CXCL16: variants seen among roughly 807,000 people sequenced by gnomAD.
CXCL16 encodes C-X-C motif chemokine 16.
CXCL16 carries 18 observed loss-of-function variants against 23.8 expected under a neutral mutation model. The ratio of observed to expected loss-of-function variants is 0.76; its 90% CI spans 0.52 to 1.12. CXCL16 has a LOEUF of 1.12. Among genes scored for constraint, CXCL16 ranks in the 50% most tolerant of loss-of-function variants. The pLI is 0.00. For missense variants in CXCL16, 297 were observed against 315.4 expected (o/e 0.94, Z 0.44); for synonymous variants, 123 against 132.5 (o/e 0.93, Z 0.49).
chr17:4,739,699 G>A lies in CXCL16; in HGVS notation c.-360C>T, dbSNP rs1916291333. The A allele has an allele frequency of 2.3e-6, 2 of 856,842 alleles. No individual in the cohort carries two copies. Among genetic ancestry groups the A allele is most frequent in the African/African-American group, 1.8e-5 (1 of 54,990 alleles). 53.1% of individuals were successfully genotyped at this position (856,842 alleles called of 1,614,324 possible). A position where few individuals can be genotyped will look rare whatever the true frequency, so the allele number is the denominator to read the frequency against. On this transcript the variant is annotated 5_prime_UTR_variant, in exon 1 of 6. Coordinates refer to ENST00000293778, the MANE Select transcript of CXCL16 (RefSeq NM_001386809.1). The surrounding 1 kb of genome is among the most constrained non-coding windows in gnomAD (Gnocchi z 5.3). The stretch of plus-strand genomic sequence containing the variant: ...AGGAGGGGCGGGAGGACGACGGCCC[G>A]AGGAGCCGATTCGGTTCGGTTCAGG...
Position 4,739,146 on chromosome 17 carries a change from C to G in CXCL16, c.79+115G>C, listed in dbSNP as rs887231230. On this transcript the variant is annotated intron_variant, in intron 1 of 5. Transcript: ENST00000293778. The surrounding 1 kb of genome is among the most constrained non-coding windows in gnomAD (Gnocchi z 5.3). ...CAACCCCAGGCGGCTGGCTGGCTTTCCTCTTGTCCCCGCTGCCTTCATCCA... is the reference window on the plus strand; with the variant it reads ...CAACCCCAGGCGGCTGGCTGGCTTTGCTCTTGTCCCCGCTGCCTTCATCCA... The G allele has an allele frequency of 2.2e-6, 3 of 1,390,376 alleles. No homozygotes were observed. Among genetic ancestry groups the G allele is most frequent in the East Asian group, 2.5e-5 (1 of 39,952 alleles). 86.1% of individuals were successfully genotyped at this position (1,390,376 alleles called of 1,614,324 possible). A position where few individuals can be genotyped will look rare whatever the true frequency, so the allele number is the denominator to read the frequency against.
Position 4,735,446 on chromosome 17 carries a change from G to T in CXCL16, c.364C>A (p.Pro122Thr). 4 of 1,515,158 alleles carry T rather than the reference G, an allele frequency of 2.6e-6. No individual in the cohort carries two copies. The highest frequency in any genetic ancestry group is 2.6e-5 in the South Asian group (2 of 75,872). The allele number at this position is 1,515,158 out of a possible 1,614,324, so 93.9% of individuals were successfully genotyped here. ...GCCCCCTCTGAGGCCTGAGAAATTGGGGGGCTGGTAGGAAGTAAATGCTTC... is the reference window on the plus strand; with the variant it reads ...GCCCCCTCTGAGGCCTGAGAAATTGTGGGGCTGGTAGGAAGTAAATGCTTC... ...HQKHLLPTSP[P>T]ISQASEGASS... The change falls in exon 4 of 6, where the codon CCA becomes ACA. Residue 122 changes from proline to threonine, a missense_variant. By Grantham distance (38) the Pro-to-Thr change is conservative. Transcript: ENST00000293778.
Position 4,738,505 on chromosome 17 carries a change from C to T in CXCL16, c.219-15G>A. On this transcript the variant is annotated splice_polypyrimidine_tract_variant and intron_variant, in intron 2 of 5. Coordinates refer to ENST00000293778, the MANE Select transcript of CXCL16 (RefSeq NM_001386809.1). The surrounding 1 kb of genome is among the most constrained non-coding windows in gnomAD (Gnocchi z 4.0). ...GGAGCTGGAACCTGCGGAGGAGAGACCTGGGCTTAGCTGCGGCGCCTTCTT... is the reference window on the plus strand; with the variant it reads ...GGAGCTGGAACCTGCGGAGGAGAGATCTGGGCTTAGCTGCGGCGCCTTCTT... 1.2e-6 allele frequency: 2 copies of T among 1,601,334 alleles called. No individual in the cohort carries two copies. The highest frequency in any genetic ancestry group is 1.7e-6 in the Non-Finnish European group (2 of 1,169,262).
Position 4,733,892 on chromosome 17 carries a change from C to T in CXCL16, c.*611G>A, listed in dbSNP as rs1386286319. 6.6e-6 allele frequency: 1 copy of T among 152,444 alleles called. No homozygotes were observed. The highest frequency in any genetic ancestry group is 1.5e-5 in the Non-Finnish European group (1 of 68,158). 9.4% of individuals were successfully genotyped at this position (152,444 alleles called of 1,614,324 possible). A position where few individuals can be genotyped will look rare whatever the true frequency, so the allele number is the denominator to read the frequency against. Reference sequence around the variant, plus strand: ...TTCCATAAAGAAGACTCAATCATTACAAAAATAATTTTTAGTAGTTAAAAA... The same window carrying T: ...TTCCATAAAGAAGACTCAATCATTATAAAAATAATTTTTAGTAGTTAAAAA... On this transcript the variant is annotated 3_prime_UTR_variant, in exon 6 of 6. Transcript: ENST00000293778.
chr17:4,739,130 G>A lies in CXCL16; in HGVS notation c.79+131C>T. On this transcript the variant is annotated intron_variant, in intron 1 of 5. Transcript: ENST00000293778. This position sits in a 1 kb window ranked among gnomAD's most constrained non-coding sequence, Gnocchi z 5.3. ...CCCGGGCCTCTGTCCCCAACCCCAG[G>A]CGGCTGGCTGGCTTTCCTCTTGTCC... 1 of 1,312,332 alleles carries A rather than the reference G, an allele frequency of 7.6e-7. No individual in the cohort carries two copies. Among genetic ancestry groups the A allele is most frequent in the Non-Finnish European group, 1.0e-6 (1 of 957,096 alleles). 81.3% of individuals were successfully genotyped at this position (1,312,332 alleles called of 1,614,324 possible).
At position 4,738,810 on chromosome 17, in the gene CXCL16, C is replaced by T. The variant is rs1264017291; in HGVS notation, c.190G>A (p.Ala64Thr). The T allele has an allele frequency of 5.6e-6, 9 of 1,614,154 alleles. No individual in the cohort carries two copies. The highest frequency in any genetic ancestry group is 2.2e-5 in the East Asian group (1 of 44,878). ...FMNRLRKHLR[A>T]YHRCLYYTRF... ...GTGTAGTATAGACACCGATGGTAAG[C>T]TCTCAGGTGTTTCCGGAGACGATTC... The change falls in exon 2 of 6, where the codon GCT becomes ACT. Residue 64 changes from alanine to threonine, a missense_variant. Physicochemically the swap from Ala to Thr is moderately conservative, Grantham distance 58. Transcript: ENST00000293778. The surrounding 1 kb of genome is among the most constrained non-coding windows in gnomAD (Gnocchi z 4.0).
Position 4,739,356 on chromosome 17 carries a change from C to G in CXCL16, c.-17G>C. ...CCGTCCCATCTCGGGGCTCCGCGGA[C>G]TCTGCGGGGATGGAGCCACCTCGCT... On this transcript the variant is annotated 5_prime_UTR_variant, in exon 1 of 6. Transcript: ENST00000293778. This position sits in a 1 kb window ranked among gnomAD's most constrained non-coding sequence, Gnocchi z 5.3. 1 of 1,613,134 alleles carries G rather than the reference C, an allele frequency of 6.2e-7. No individual in the cohort carries two copies. The highest frequency in any genetic ancestry group is 8.5e-7 in the Non-Finnish European group (1 of 1,179,806).
rs770447699 is a variant in CXCL16, at chr17:4,739,277, C to T, written c.63G>A (p.Val21=). 1 of 1,606,912 alleles carries T rather than the reference C, an allele frequency of 6.2e-7. No individual in the cohort carries two copies. The highest frequency in any genetic ancestry group is 1.1e-5 in the South Asian group (1 of 89,914). ...CCGGCTAACCTGGCTGAGTCAGGTA[C>T]ACCAGCAGGAGCAGAAGCAGGAGCA... ...VLLLLLLLLL[V]YLTQPGNGNE... The change falls in exon 1 of 6, where the codon GTG becomes GTA. Residue 21 remains valine, a synonymous_variant. Coordinates refer to ENST00000293778, the MANE Select transcript of CXCL16 (RefSeq NM_001386809.1). This position sits in a 1 kb window ranked among gnomAD's most constrained non-coding sequence, Gnocchi z 5.3.
Position 4,733,832 on chromosome 17 carries a change from A to T in CXCL16, c.*671T>A, listed in dbSNP as rs1453904724. The T allele has an allele frequency of 6.5e-6, 1 of 152,816 alleles. No homozygotes were observed. Among genetic ancestry groups the T allele is most frequent in the African/African-American group, 2.4e-5 (1 of 41,452 alleles). The allele number at this position is 152,816 out of a possible 1,614,324, so 9.5% of individuals were successfully genotyped here. ...CCATCAGCAAAAAATGAAGCCAGGA[A>T]TCACAGTAAGGGCGCAAGGGCTGAG... On this transcript the variant is annotated 3_prime_UTR_variant, in exon 6 of 6. Coordinates refer to ENST00000293778, the MANE Select transcript of CXCL16 (RefSeq NM_001386809.1).
At position 4,733,992 on chromosome 17, in the gene CXCL16, C is replaced by G. The variant is rs966933623; in HGVS notation, c.*511G>C. ...TGGGAGGCCTGGGTGGGCAGATCAC[C>G]AGGTCAGGAGTTCGAGACCAGCCTG... On this transcript the variant is annotated 3_prime_UTR_variant, in exon 6 of 6. Transcript: ENST00000293778. 6.5e-6 allele frequency: 1 copy of G among 153,092 alleles called. No individual in the cohort carries two copies. Among genetic ancestry groups the G allele is most frequent in the Non-Finnish European group, 1.5e-5 (1 of 68,592 alleles). 9.5% of individuals were successfully genotyped at this position (153,092 alleles called of 1,614,324 possible). A position where few individuals can be genotyped will look rare whatever the true frequency, so the allele number is the denominator to read the frequency against.
Position 4,738,575 on chromosome 17 carries a change from C to G in CXCL16, c.219-85G>C, listed in dbSNP as rs951299879. On this transcript the variant is annotated intron_variant, in intron 2 of 5. Transcript: ENST00000293778. This position sits in a 1 kb window ranked among gnomAD's most constrained non-coding sequence, Gnocchi z 4.0. ...TCATTCCAGAGGCGTGAAGTTGCCA[C>G]CAAGAAAGAGCCCTTTCTCCTGGGA... 8 of 1,161,866 alleles carry G rather than the reference C, an allele frequency of 6.9e-6. No homozygotes were observed. The African/African-American group carries it at 1.2e-4, about 18-fold the overall frequency. The allele number at this position is 1,161,866 out of a possible 1,614,324, so 72.0% of individuals were successfully genotyped here.
chr17:4,737,188 CAAAA>C (rs1916176833), intron 3 of CXCL16, among the ~76,000 whole-genome samples: 1 of 151,368 alleles, frequency 6.6e-6, no homozygotes, highest in Non-Finnish European at 1.5e-5. Context: ...AATTTGAACT[CAAAA>C]GAAAAAAAAG....
In CXCL16 at chr17:4,738,995, C is replaced by A; in HGVS notation, c.80-75G>T. On this transcript the variant is annotated intron_variant, in intron 1 of 5. Transcript: ENST00000293778. This position sits in a 1 kb window ranked among gnomAD's most constrained non-coding sequence, Gnocchi z 4.0. ...ACTCCGCTGTTCCCTGGCATCCAAT[C>A]CACAGCCCCATGACAGCCTCTCGGT... is the stretch of plus-strand genomic sequence containing the variant. 1.3e-6 allele frequency: 2 copies of A among 1,551,328 alleles called. No homozygotes were observed. The highest frequency in any genetic ancestry group is 1.2e-5 in the South Asian group (1 of 83,642).
rs1478800709 is a variant in CXCL16, at chr17:4,738,269, T to C, written c.301+139A>G. 1.2e-5 allele frequency: 8 copies of C among 660,782 alleles called. No individual in the cohort carries two copies. The highest frequency in any genetic ancestry group is 2.1e-5 in the Non-Finnish European group (8 of 378,424). The allele number at this position is 660,782 out of a possible 1,614,324, so 40.9% of individuals were successfully genotyped here. On this transcript the variant is annotated intron_variant, in intron 3 of 5. Transcript: ENST00000293778. The surrounding 1 kb of genome is among the most constrained non-coding windows in gnomAD (Gnocchi z 4.0). Reference sequence around the variant, plus strand: ...CCCGTTTGGCAAACAGGGACTCGAGTCTAAGTACTTTGGACAGGATCAGAA... The same window carrying C: ...CCCGTTTGGCAAACAGGGACTCGAGCCTAAGTACTTTGGACAGGATCAGAA...
rs1298536828 is a variant in CXCL16, at chr17:4,739,250, C to A, written c.79+11G>T. 3 of 1,589,746 alleles carry A rather than the reference C, an allele frequency of 1.9e-6. No individual in the cohort carries two copies. In the Admixed American group the frequency reaches 5.3e-5, roughly 28 times the overall value. On this transcript the variant is annotated intron_variant, in intron 1 of 5. Coordinates refer to ENST00000293778, the MANE Select transcript of CXCL16 (RefSeq NM_001386809.1). The surrounding 1 kb of genome is among the most constrained non-coding windows in gnomAD (Gnocchi z 5.3). ...GGGGAATCTGGGTCCCCTGCCCCGCCCCCGGCTAACCTGGCTGAGTCAGGT... is the reference window on the plus strand; with the variant it reads ...GGGGAATCTGGGTCCCCTGCCCCGCACCCGGCTAACCTGGCTGAGTCAGGT...
At position 4,734,636 on chromosome 17, in the gene CXCL16, A is replaced by G. The variant is rs746118950; in HGVS notation, c.735T>C (p.Tyr245=). The G allele has an allele frequency of 4.8e-5, 77 of 1,612,136 alleles. No individual in the cohort carries two copies. The highest frequency in any genetic ancestry group is 6.3e-5 in the Non-Finnish European group (74 of 1,178,344). Residue 245 remains tyrosine (Y), a synonymous_variant, in exon 5 of 6, where the codon TAT becomes TAC. Transcript: ENST00000293778. ...TATTAGAGTCAGGTGCCACAGGTAT[A>G]TAATGAACCGGCAGATCTGGAAAGG... ...PQSSPDLPVH[Y]IPVAPDSNT
Position 4,733,679 on chromosome 17 carries a change from G to A in CXCL16, c.*824C>T, listed in dbSNP as rs944077010. The A allele has an allele frequency of 2.6e-5, 4 of 155,518 alleles. No homozygotes were observed. Among genetic ancestry groups the A allele is most frequent in the Non-Finnish European group, 5.7e-5 (4 of 69,894 alleles). 9.6% of individuals were successfully genotyped at this position (155,518 alleles called of 1,614,324 possible). On this transcript the variant is annotated 3_prime_UTR_variant, in exon 6 of 6. Transcript: ENST00000293778. The stretch of plus-strand genomic sequence containing the variant: ...ACCAACCCGTATGGTGTCCCAGCAC[G>A]GCACCTGCTAAGGAGGGAGGGTGGG...
At chr17:4,737,299 C>T (rs1187807580) in intron 3 of CXCL16, among the ~76,000 whole-genome samples, 3 of 151,462 alleles carry the variant, frequency 2.0e-5, no homozygotes, top group East Asian at 1.9e-4. Flanking sequence ...ATCAAGAGGC[C>T]GGGCACTGCG....
Position 4,739,189 on chromosome 17 carries a change from CGT to C in CXCL16, c.79+70_79+71del. ...TTCATCCACTCAACTCCGTGGGCCTCGTGTCCCCTCCCCAACTCACCCCCTTC... is the reference window on the plus strand; with the variant it reads ...TTCATCCACTCAACTCCGTGGGCCTCGTCCCCTCCCCAACTCACCCCCTTC... On this transcript the variant is annotated intron_variant, in intron 1 of 5. Transcript: ENST00000293778. This position sits in a 1 kb window ranked among gnomAD's most constrained non-coding sequence, Gnocchi z 5.3. 6.6e-7 allele frequency: 1 copy of C among 1,526,170 alleles called. No homozygotes were observed. The highest frequency in any genetic ancestry group is 8.9e-7 in the Non-Finnish European group (1 of 1,126,940). 94.5% of individuals were successfully genotyped at this position (1,526,170 alleles called of 1,614,324 possible).
Sources: gnomAD v4.1 joint callset for allele counts (sites outside exome capture counted in the v4.1 genomes callset) on GRCh38, gnomAD v4.1.1 for gene constraint, Gnocchi (gnomAD v3.1) non-coding constraint, MANE v1.5 for transcripts, NCBI Gene and HGNC (gene_info 2026-07-23, HGNC 2026-07-21) for gene names.